CCNK: variants seen among roughly 807,000 people sequenced by gnomAD.
CCNK encodes the protein cyclin-K.
In CCNK, 9 loss-of-function variants were observed where a neutral mutation model predicts 65.0. The observed-to-expected ratio is 0.14, with a 90% CI of 0.08 to 0.24. The LOEUF (loss-of-function observed/expected upper bound fraction) is 0.24, where lower values mean the gene tolerates loss of function less well. Ranked by LOEUF, CCNK falls within the 10% of genes least tolerant of loss-of-function variation. The pLI is 1.00. For missense variants in CCNK, 474 were observed against 720.0 expected (o/e 0.66, Z 3.91); for synonymous variants, 279 against 270.8 (o/e 1.03, Z -0.30).
At chr14:99,510,113 C>A in intron 10 of CCNK, 44 bp from the exon 11 acceptor site, 1 of 1,551,950 alleles carries the variant, frequency 6.4e-7, no homozygotes. Flanking sequence ...AAAAAGCAAC[C>A]ATTGCTGGCG....
At chr14:99,498,674 G>T (rs1258341613) in intron 4 of CCNK, among the ~76,000 whole-genome samples, 1 of 152,172 alleles carries the variant, frequency 6.6e-6, no homozygotes, top group Non-Finnish European at 1.5e-5. Flanking sequence ...TTGAGTGGCA[G>T]GATAAATTTT....
Position 99,511,055 on chromosome 14 carries a change from T to C in CCNK, c.*273T>C, listed in dbSNP as rs1458343951. On this transcript the variant is annotated 3_prime_UTR_variant, in exon 11 of 11. Transcript: ENST00000389879. ...CTGAGAGTCCTGCACTGGGTTACTT[T>C]ATACTAGTGAGGACGTTAACCAGCC... 6 of 306,764 alleles carry C rather than the reference T, an allele frequency of 2.0e-5. No homozygotes were observed. Among genetic ancestry groups the C allele is most frequent in the Non-Finnish European group, 2.4e-5 (4 of 168,248 alleles). The allele number at this position is 306,764 out of a possible 1,614,324, so 19.0% of individuals were successfully genotyped here. A position where few individuals can be genotyped will look rare whatever the true frequency, so the allele number is the denominator to read the frequency against.
At chr14:99,495,430 A>G in intron 3 of CCNK, 68 bp from the exon 4 acceptor site, 1 of 1,486,602 alleles carries the variant, frequency 6.7e-7, no homozygotes, top group Non-Finnish European at 9.0e-7. Context: ...ACGAAGGCCA[A>G]AATTTATTGT....
chr14:99,498,954 G>A (rs887306874), intron 4 of CCNK, among the ~76,000 whole-genome samples: 2 of 152,156 alleles, frequency 1.3e-5, no homozygotes, highest in Non-Finnish European at 2.9e-5. Flanking sequence ...TGGTACACTT[G>A]GTAAAAAGAA....
chr14:99,496,311 A>G (rs535841288), intron 4 of CCNK, among the ~76,000 whole-genome samples: 1 of 152,198 alleles, frequency 6.6e-6, no homozygotes, highest in Non-Finnish European at 1.5e-5. Context: ...ACAGTTTGCA[A>G]TTAAATAGAT....
At position 99,511,058 on chromosome 14, in the gene CCNK, A is replaced by G. The variant is rs1251486987; in HGVS notation, c.*276A>G. Reference sequence around the variant, plus strand: ...AGAGTCCTGCACTGGGTTACTTTATACTAGTGAGGACGTTAACCAGCCATA... The same window carrying G: ...AGAGTCCTGCACTGGGTTACTTTATGCTAGTGAGGACGTTAACCAGCCATA... On this transcript the variant is annotated 3_prime_UTR_variant, in exon 11 of 11. Transcript: ENST00000389879. 1.0e-5 allele frequency: 3 copies of G among 293,214 alleles called. No individual in the cohort carries two copies. Among genetic ancestry groups the G allele is most frequent in the South Asian group, 1.6e-4 (1 of 6,092 alleles). The allele number at this position is 293,214 out of a possible 1,614,324, so 18.2% of individuals were successfully genotyped here. A position where few individuals can be genotyped will look rare whatever the true frequency, so the allele number is the denominator to read the frequency against.
intron 1 of CCNK, among the ~76,000 whole-genome samples, chr14:99,490,886 C>G (rs898079252): frequency 6.6e-6 from 1 of 151,240 alleles, no homozygotes; most frequent in East Asian, 1.9e-4. Flanking sequence ...CGAGATCATG[C>G]CACTGGCACT....
chr14:99,506,035 TAGA>T (rs1298136642), intron 9 of CCNK: 2 of 140,712 alleles, frequency 1.4e-5, no homozygotes, highest in Admixed American at 1.4e-4. Flanking sequence ...AGGCAAAAGG[TAGA>T]GTGTGAGGTG....
rs372216197 is a variant in CCNK at position 99,502,779 on chromosome 14, C to T, written c.806C>T (p.Thr269Ile). 1 of 1,613,194 alleles carries T rather than the reference C, an allele frequency of 6.2e-7. No homozygotes were observed. The highest frequency in any genetic ancestry group is 8.5e-7 in the Non-Finnish European group (1 of 1,179,402). Residue 269 changes from threonine (T) to isoleucine (I), a missense_variant, in exon 8 of 11, where the codon ACC becomes ATC. Coordinates refer to ENST00000389879, the MANE Select transcript of CCNK (RefSeq NM_001099402.2). ...SQGKQQMPHH[T>I]PHQLQQPPSL... ...GGAAAACAACAGATGCCTCATCACACCCCCCATCAGCTGCAACAGCCCCCA... is the reference window on the plus strand; with the variant it reads ...GGAAAACAACAGATGCCTCATCACATCCCCCATCAGCTGCAACAGCCCCCA...
intron 1 of CCNK, among the ~76,000 whole-genome samples, chr14:99,487,376 T>A (rs1045145247): frequency 2.6e-5 from 4 of 152,160 alleles, no homozygotes; most frequent in Non-Finnish European, 4.4e-5. Flanking sequence ...CTGAGGACAT[T>A]CAGCAACATT....
At position 99,510,243 on chromosome 14, in the gene CCNK, C is replaced by A. The variant is rs1332648804; in HGVS notation, c.1204C>A (p.Pro402Thr). Residue 402 changes from proline to threonine, a missense_variant, in exon 11 of 11, where the codon CCC (proline) becomes ACC (threonine). By Grantham distance (38) the Pro-to-Thr change is conservative (BLOSUM62 -1). Coordinates refer to ENST00000389879, the MANE Select transcript of CCNK (RefSeq NM_001099402.2). Reference sequence around the variant, plus strand: ...CACTGACCTCCCCAAAGTCCAGATTCCCCCTCCGGCCCACCCGGCCCCTGT... The same window carrying A: ...CACTGACCTCCCCAAAGTCCAGATTACCCCTCCGGCCCACCCGGCCCCTGT... The part of the protein sequence containing the change: ...DATDLPKVQI[P>T]PPAHPAPVHQ... 6.3e-7 allele frequency: 1 copy of A among 1,581,514 alleles called. No individual in the cohort carries two copies. Among genetic ancestry groups the A allele is most frequent in the Non-Finnish European group, 8.6e-7 (1 of 1,168,912 alleles).
At chr14:99,503,091 G>A (rs1187749743) in intron 8 of CCNK, 107 bp downstream of exon 8, 1 of 1,305,772 alleles carries the variant, frequency 7.7e-7, no homozygotes. Flanking sequence ...CGGAAGCAGG[G>A]GGTGTTCGCC....
chr14:99,492,623 TA>T lies in CCNK; in HGVS notation c.-52-2del. The T allele has an allele frequency of 6.8e-7, 1 of 1,463,328 alleles. No individual in the cohort carries two copies. 90.6% of individuals were successfully genotyped at this position (1,463,328 alleles called of 1,614,324 possible). On this transcript the variant is annotated splice_acceptor_variant, in intron 1 of 10. Coordinates refer to ENST00000389879, the MANE Select transcript of CCNK (RefSeq NM_001099402.2). LOFTEE classifies it low-confidence loss of function (5UTR_SPLICE). ...TCCAACTTTGTTTTTCTCTTTCTCA[TA>T]GGATTCTAACATTTTCAGAGAACCT...
In CCNK at chr14:99,510,788, GC is replaced by G; in HGVS notation, c.*8del. The G allele has an allele frequency of 7.0e-7, 1 of 1,425,400 alleles. No homozygotes were observed. Among genetic ancestry groups the G allele is most frequent in the Non-Finnish European group, 9.2e-7 (1 of 1,089,926 alleles). The allele number at this position is 1,425,400 out of a possible 1,614,324, so 88.3% of individuals were successfully genotyped here. ...GGGCAGCCTGGATGAGATAACGTGAGCCTTTTTTCCCTCTTTGTTTTTTTAA... is the reference window on the plus strand; with the variant it reads ...GGGCAGCCTGGATGAGATAACGTGAGCTTTTTTCCCTCTTTGTTTTTTTAA... On this transcript the variant is annotated 3_prime_UTR_variant, in exon 11 of 11. Transcript: ENST00000389879.
chr14:99,505,460 T>G (rs1595322074), intron 9 of CCNK: 1 of 152,210 alleles, frequency 6.6e-6, no homozygotes, highest in South Asian at 2.1e-4. Context: ...AGTAAAGCTT[T>G]ATATTGGTTA....
At chr14:99,490,884 T>C (rs1268868311) in intron 1 of CCNK, among the ~76,000 whole-genome samples, 1 of 149,044 alleles carries the variant, frequency 6.7e-6, no homozygotes, top group Non-Finnish European at 1.5e-5. Context: ...GCCGAGATCA[T>C]GCCACTGGCA....
chr14:99,510,646 C>T lies in CCNK; in HGVS notation c.1607C>T (p.Pro536Leu). Residue 536 changes from proline (P) to leucine (L), a missense_variant, in exon 11 of 11, where the codon CCA (proline) becomes CTA (leucine). Coordinates refer to ENST00000389879, the MANE Select transcript of CCNK (RefSeq NM_001099402.2). Reference protein sequence around the residue: ...PTHAVPPHPPPGLGLPPASYP... With the variant: ...PTHAVPPHPPLGLGLPPASYP... Reference sequence around the variant, plus strand: ...CACGCAGTCCCCCCTCATCCTCCTCCAGGGTTGGGCCTGCCGCCAGCCAGC... The same window carrying T: ...CACGCAGTCCCCCCTCATCCTCCTCTAGGGTTGGGCCTGCCGCCAGCCAGC... 1 of 1,419,978 alleles carries T rather than the reference C, an allele frequency of 7.0e-7. No individual in the cohort carries two copies. Among genetic ancestry groups the T allele is most frequent in the Non-Finnish European group, 9.2e-7 (1 of 1,088,424 alleles). 88.0% of individuals were successfully genotyped at this position (1,419,978 alleles called of 1,614,324 possible).
chr14:99,506,779 T>G, intron 9 of CCNK: 3 of 396,674 alleles, frequency 7.6e-6, no homozygotes, highest in South Asian at 6.6e-5. Flanking sequence ...GTTGCTCTGC[T>G]GGTCTCACAT....
At chr14:99,497,258 C>G (rs1896722632) in intron 4 of CCNK, among the ~76,000 whole-genome samples, 1 of 152,178 alleles carries the variant, frequency 6.6e-6, no homozygotes, top group African/African-American at 2.4e-5. Context: ...CTCCTTCTCC[C>G]CGCTAACCTC....
Sources: gnomAD v4.1 joint callset for allele counts (sites outside exome capture counted in the v4.1 genomes callset) on GRCh38, gnomAD v4.1.1 for gene constraint, MANE v1.5 for transcripts, NCBI Gene and HGNC (gene_info 2026-07-23, HGNC 2026-07-21) for gene names.